The following MRPS27 variants were observed in gnomAD, a reference collection of about 807,000 sequenced individuals.
MRPS27 encodes mitochondrial ribosomal protein S27.
A neutral mutation model predicts 48.9 loss-of-function variants in MRPS27; 43 were observed. That is an observed-to-expected ratio of 0.88 (90% CI 0.69 to 1.13). The LOEUF (loss-of-function observed/expected upper bound fraction) is 1.13. Among genes scored for constraint, MRPS27 ranks in the 50% most tolerant of loss-of-function variants. The pLI is 0.00. For synonymous variants in MRPS27, 188 were observed against 171.9 expected, an observed-to-expected ratio of 1.09 and a Z score of -0.73; for missense variants, 467 against 476.3, an observed-to-expected ratio of 0.98 and a Z score of 0.18.
At chr5:72,300,791 C>T (rs978307705) in intron 2 of MRPS27, among the ~76,000 whole-genome samples, 22 of 152,228 alleles carry the variant, frequency 1.4e-4, no homozygotes, top group Non-Finnish European at 1.5e-5. Flanking sequence ...ATTATCTAAT[C>T]TCCACCCAGC....
intron 2 of MRPS27, among the ~76,000 whole-genome samples, chr5:72,308,152 T>G (rs571578274): frequency 6.6e-6 from 1 of 152,036 alleles, no homozygotes; most frequent in Non-Finnish European, 1.5e-5. Context: ...GCCCCGGCGC[T>G]GGGAAACTGC....
rs187100490 is a variant in MRPS27, at chr5:72,224,968, C to T, written c.837+1089G>A. ...AAAATATGCCAAGGCCTTTTAATAC[C>T]ACTAATACATCACATCCAAACTGGA... On this transcript the variant is annotated intron_variant, in intron 9 of 10. Transcript: ENST00000261413. 3.9e-4 allele frequency among the ~76,000 whole-genome samples: 60 copies of T among 152,274 alleles called. 1 individual carries two copies. The highest frequency in any genetic ancestry group is 1.1e-3 in the African/African-American group (45 of 41,558).
At chr5:72,313,388 C>T (rs1430738620) in intron 2 of MRPS27, among the ~76,000 whole-genome samples, 1 of 152,174 alleles carries the variant, frequency 6.6e-6, no homozygotes, top group Non-Finnish European at 1.5e-5. Context: ...TCTCATAAAA[C>T]TATCACCAAT....
At chr5:72,304,512 G>A (rs368039039) in intron 2 of MRPS27, among the ~76,000 whole-genome samples, 5 of 152,216 alleles carry the variant, frequency 3.3e-5, no homozygotes, top group African/African-American at 9.6e-5. Flanking sequence ...AAATAAAGCT[G>A]GTACAGTTGT....
intron 5 of MRPS27, among the ~76,000 whole-genome samples, chr5:72,235,923 C>T (rs1561332855): frequency 6.6e-6 from 1 of 152,098 alleles, no homozygotes; most frequent in Non-Finnish European, 1.5e-5. Flanking sequence ...ATTTATGGCC[C>T]TTGGTTGAAA....
At chr5:72,273,889 T>G (rs1749309634) in intron 4 of MRPS27, among the ~76,000 whole-genome samples, 1 of 152,236 alleles carries the variant, frequency 6.6e-6, no homozygotes. Flanking sequence ...CTGTTTTACT[T>G]TAAAAACTTA....
At chr5:72,319,282 A>C (rs1479300997) in intron 1 of MRPS27, among the ~76,000 whole-genome samples, 2 of 152,212 alleles carry the variant, frequency 1.3e-5, no homozygotes, top group Admixed American at 6.5e-5. Flanking sequence ...TAGTTCAGAT[A>C]TCAAAGTATT....
At chr5:72,293,941 C>T (rs1029266447) in intron 4 of MRPS27, among the ~76,000 whole-genome samples, 4 of 152,102 alleles carry the variant, frequency 2.6e-5, no homozygotes, top group African/African-American at 9.7e-5. Context: ...TCCCAAAGAG[C>T]CACTAAAGGA....
At chr5:72,239,317 G>A (rs1326446212) in intron 4 of MRPS27, among the ~76,000 whole-genome samples, 1 of 152,172 alleles carries the variant, frequency 6.6e-6, no homozygotes, top group Non-Finnish European at 1.5e-5. Context: ...TTAAGAAAAG[G>A]AGAGGAAGTG....
chr5:72,295,578 G>T lies in MRPS27; in HGVS notation c.234C>A (p.Asn78Lys). 6.2e-7 allele frequency: 1 copy of T among 1,609,906 alleles called. No individual in the cohort carries two copies. Among genetic ancestry groups the T allele is most frequent in the African/African-American group, 1.3e-5 (1 of 74,942 alleles). ...GATCTATCTCTTCCCGAGAGGAAAT[G>T]TTGTCTATAAGCTAAAAGACAGAAA... is the stretch of plus-strand genomic sequence containing the variant. Reference protein sequence around the residue: ...SSLTISRLIDNISSREEIDHA... With the variant: ...SSLTISRLIDKISSREEIDHA... The change falls in exon 4 of 11, where the codon AAC (asparagine) becomes AAA (lysine). Residue 78 changes from asparagine to lysine, a missense_variant. By Grantham distance (94) the Asn-to-Lys change is moderately conservative (BLOSUM62 0). Transcript: ENST00000261413.
At chr5:72,260,645 G>A (rs1019334073) in intron 4 of MRPS27, among the ~76,000 whole-genome samples, 19 of 152,048 alleles carry the variant, frequency 1.2e-4, no homozygotes, top group Non-Finnish European at 1.5e-5. Flanking sequence ...AGAGACAAGT[G>A]GCCATTGATT....
At position 72,296,641 on chromosome 5, in the gene MRPS27, T is replaced by C. The variant is rs1253402309; in HGVS notation, c.222+991A>G. ...CATGTAAGGGACGAAAAATGGCCTTTCCATTCTCCTCCAATATGCCAATTA... is the reference window on the plus strand; with the variant it reads ...CATGTAAGGGACGAAAAATGGCCTTCCCATTCTCCTCCAATATGCCAATTA... On this transcript the variant is annotated intron_variant, in intron 3 of 10. Coordinates refer to ENST00000261413, the MANE Select transcript of MRPS27 (RefSeq NM_015084.3). Among the ~76,000 whole-genome samples, 3 of 152,230 alleles carry C rather than the reference T, an allele frequency of 2.0e-5. No homozygotes were observed. The East Asian group carries it at 5.8e-4, about 29-fold the overall frequency.
At chr5:72,295,035 T>TTGTG (rs149464375) in intron 4 of MRPS27, among the ~76,000 whole-genome samples, 1 of 151,448 alleles carries the variant, frequency 6.6e-6, no homozygotes, top group African/African-American at 2.4e-5. Flanking sequence ...GATACTCAAC[T>TTGTG]TGTGTGTGTG....
At chr5:72,276,782 A>T (rs1433787371) in intron 4 of MRPS27, among the ~76,000 whole-genome samples, 1 of 152,076 alleles carries the variant, frequency 6.6e-6, no homozygotes, top group Non-Finnish European at 1.5e-5. Context: ...TTGTAATCTC[A>T]ACACTCTGTG....
chr5:72,250,132 AT>A (rs1365258709), intron 4 of MRPS27, among the ~76,000 whole-genome samples: 1 of 152,250 alleles, frequency 6.6e-6, no homozygotes, highest in Admixed American at 6.5e-5. Context: ...CTGATAATAA[AT>A]TTTGAAAAAC....
rs777734930 is a variant in MRPS27, at chr5:72,297,629, T to C, written c.222+3A>G. ...GAAAATATATATGTTAAAATTTTCT[T>C]ACCCGTGATATTGTTAAAGAACTAA... On this transcript the variant is annotated splice_donor_region_variant and intron_variant, in intron 3 of 10. Coordinates refer to ENST00000261413, the MANE Select transcript of MRPS27 (RefSeq NM_015084.3). 6.4e-7 allele frequency: 1 copy of C among 1,565,474 alleles called. No individual in the cohort carries two copies. Among genetic ancestry groups the C allele is most frequent in the Admixed American group, 1.7e-5 (1 of 58,008 alleles).
intron 4 of MRPS27, among the ~76,000 whole-genome samples, chr5:72,293,683 A>T (rs1197801642): frequency 6.6e-6 from 1 of 152,228 alleles, no homozygotes; most frequent in Non-Finnish European, 1.5e-5. Context: ...CTCGGTAAAT[A>T]CTTGTTGAAA....
At chr5:72,267,186 G>T (rs775357623) in intron 4 of MRPS27, among the ~76,000 whole-genome samples, 11 of 152,304 alleles carry the variant, frequency 7.2e-5, no homozygotes, top group Non-Finnish European at 1.5e-4. Context: ...TAACTATACG[G>T]AGTCTTCCAA....
intron 4 of MRPS27, among the ~76,000 whole-genome samples, chr5:72,249,218 T>A (rs560798424): frequency 6.6e-6 from 1 of 152,246 alleles, no homozygotes. Context: ...TATACCTATA[T>A]GAAATTACTT....
Sources: allele counts gnomAD v4.1 joint callset (sites outside exome capture counted in the v4.1 genomes callset), GRCh38; gene constraint gnomAD v4.1.1; transcripts MANE v1.5; gene names NCBI Gene and HGNC (gene_info 2026-07-23, HGNC 2026-07-21).